Variants in MTMR12 observed in about 807,000 individuals in gnomAD.
The protein encoded by MTMR12 is myotubularin related protein 12, also known as myotubularin-related protein 12.
MTMR12 carries 33 observed loss-of-function variants against 96.7 expected under a neutral mutation model. The observed-to-expected ratio is 0.34, with a 90% CI of 0.26 to 0.46. The LOEUF is 0.46. Among genes scored for constraint, MTMR12 ranks in the 20% least tolerant of loss-of-function variants. MTMR12 has a pLI of 1.00. For missense variants in MTMR12, 721 were observed against 896.1 expected (o/e 0.80, Z 2.49); for synonymous variants, 298 against 327.2 (o/e 0.91, Z 0.96).
chr5:32,289,404 C>A (rs1280215633), intron 1 of MTMR12, among the ~76,000 whole-genome samples: 5 of 151,756 alleles, frequency 3.3e-5, no homozygotes, highest in Admixed American at 6.6e-5. Flanking sequence ...GAGGCCGGGT[C>A]CCCTTGAGGA....
chr5:32,269,937 T>C (rs1278862038), intron 5 of MTMR12, among the ~76,000 whole-genome samples: 3 of 152,246 alleles, frequency 2.0e-5, no homozygotes, highest in African/African-American at 7.2e-5. Flanking sequence ...AAATTTTCTA[T>C]ATCTATACTC....
Position 32,243,620 on chromosome 5 carries a change from A to G in MTMR12, c.1022-21T>C, listed in dbSNP as rs777338087. On this transcript the variant is annotated intron_variant, in intron 10 of 15. Coordinates refer to ENST00000382142, the MANE Select transcript of MTMR12 (RefSeq NM_001040446.3). ...GTTATCTGAAAAAAGAAAAAGGAGT[A>G]AAGACGTCAGGTCATTGTTCACTGA... The G allele has an allele frequency of 1.9e-5, 29 of 1,495,122 alleles. No individual in the cohort carries two copies. The Admixed American group carries it at 4.7e-4, about 24-fold the overall frequency. 92.6% of individuals were successfully genotyped at this position (1,495,122 alleles called of 1,614,324 possible). A position where few individuals can be genotyped will look rare whatever the true frequency, so the allele number is the denominator to read the frequency against.
intron 11 of MTMR12, among the ~76,000 whole-genome samples, chr5:32,242,832 G>C (rs539511136): frequency 3.3e-5 from 5 of 152,078 alleles, no homozygotes; most frequent in African/African-American, 1.2e-4. Flanking sequence ...AGGATGTCTG[G>C]AGCACAGTTC....
chr5:32,235,741 A>G (rs148140475), intron 13 of MTMR12, among the ~76,000 whole-genome samples: 353 of 152,354 alleles, frequency 2.3e-3, no homozygotes, highest in African/African-American at 8.2e-3. Context: ...TTCAAAATGC[A>G]TCTTTACAAA....
chr5:32,275,966 T>C (rs1458779678), intron 2 of MTMR12, among the ~76,000 whole-genome samples: 1 of 152,190 alleles, frequency 6.6e-6, no homozygotes, highest in Non-Finnish European at 1.5e-5. Context: ...CTGTATTGTT[T>C]TGGGGAAATG....
Position 32,312,894 on chromosome 5 carries a change from A to C in MTMR12, c.-56T>G. On this transcript the variant is annotated 5_prime_UTR_variant, in exon 1 of 16. Transcript: ENST00000382142. The surrounding 1 kb of genome is among the most constrained non-coding windows in gnomAD (Gnocchi z 5.0). ...ACGCAGAGGCGGCGGCTCGGGCTCC[A>C]GCTGGGGCAGCAGCGGCGGCCACCA... 6.8e-7 allele frequency: 1 copy of C among 1,462,274 alleles called. No individual in the cohort carries two copies. Among genetic ancestry groups the C allele is most frequent in the Non-Finnish European group, 9.0e-7 (1 of 1,106,186 alleles). 90.6% of individuals were successfully genotyped at this position (1,462,274 alleles called of 1,614,324 possible).
Position 32,270,829 on chromosome 5 carries a change from C to T in MTMR12, c.477G>A (p.Glu159=). ...TGCAACTAGTTACCCTTTTGACTTC[C>T]TCTTCCTTTGTGTACCTCAGACAAA... ...FQFCLRYTKE[E]EVKRIVSGII... is the part of the protein sequence containing the mutation. The change falls in exon 5 of 16, where the codon GAG becomes GAA. Residue 159 remains glutamate (E), a synonymous_variant. Coordinates refer to ENST00000382142, the MANE Select transcript of MTMR12 (RefSeq NM_001040446.3). 2 of 1,610,204 alleles carry T rather than the reference C, an allele frequency of 1.2e-6. No homozygotes were observed. Among genetic ancestry groups the T allele is most frequent in the Non-Finnish European group, 1.7e-6 (2 of 1,178,752 alleles).
At chr5:32,303,750 A>G (rs1477484654) in intron 1 of MTMR12, among the ~76,000 whole-genome samples, 1 of 150,846 alleles carries the variant, frequency 6.6e-6, no homozygotes, top group Non-Finnish European at 1.5e-5. Context: ...TACCGTGGGC[A>G]TCATCCTAAC....
At chr5:32,269,831 A>T (rs949472159) in intron 5 of MTMR12, among the ~76,000 whole-genome samples, 1 of 152,234 alleles carries the variant, frequency 6.6e-6, no homozygotes, top group African/African-American at 2.4e-5. Context: ...GATAAGGGAA[A>T]GAAATCAATC....
chr5:32,259,134 C>A (rs1749260133), intron 7 of MTMR12, among the ~76,000 whole-genome samples: 1 of 152,146 alleles, frequency 6.6e-6, no homozygotes, highest in African/African-American at 2.4e-5. Context: ...TCATTTCAGT[C>A]ATTAAGATGA....
Position 32,229,976 on chromosome 5 carries a change from G to A in MTMR12, c.2046C>T (p.His682=). ...CAGCCTGGGGGGCCTGCTGGCTGTG[G>A]TGTCTCTCGTCGATCTTCTCTTGTA... ...QSLQEKIDER[H]HSQQAPQAEA... is the part of the protein sequence containing the mutation. Residue 682 remains histidine, a synonymous_variant, in exon 16 of 16, where the codon CAC becomes CAT. Coordinates refer to ENST00000382142, the MANE Select transcript of MTMR12 (RefSeq NM_001040446.3). 6.2e-7 allele frequency: 1 copy of A among 1,612,388 alleles called. No homozygotes were observed. The highest frequency in any genetic ancestry group is 8.5e-7 in the Non-Finnish European group (1 of 1,178,740).
chr5:32,229,798 C>A lies in MTMR12; in HGVS notation c.2224G>T (p.Val742Leu), dbSNP rs139269595. 1 of 1,545,204 alleles carries A rather than the reference C, an allele frequency of 6.5e-7. No individual in the cohort carries two copies. Among genetic ancestry groups the A allele is most frequent in the Admixed American group, 2.0e-5 (1 of 49,602 alleles). ...DDLAKREDEFVDLGDV is the reference protein window; with the variant it reads ...DDLAKREDEFLDLGDV ...ACAGGTCACACATCCCCTAGGTCCA[C>A]GAACTCATCTTCTCGTTTGGCCAAA... Residue 742 changes from valine to leucine, a missense_variant, in exon 16 of 16, where the codon GTG (valine) becomes TTG (leucine). Val to Leu is a conservative substitution (Grantham distance 32). Transcript: ENST00000382142.
Position 32,263,259 on chromosome 5 carries a change from T to G in MTMR12, c.584-17A>C. The G allele has an allele frequency of 6.2e-7, 1 of 1,612,998 alleles. No homozygotes were observed. The highest frequency in any genetic ancestry group is 2.2e-5 in the East Asian group (1 of 44,890). ...GATCAGTGACTAAGAGAACAAAATG[T>G]AAAAGACAATAAAATCTTTCCATGA... On this transcript the variant is annotated splice_polypyrimidine_tract_variant and intron_variant, in intron 6 of 15. Transcript: ENST00000382142.
intron 6 of MTMR12, among the ~76,000 whole-genome samples, chr5:32,264,404 G>T (rs1046794938): frequency 6.6e-6 from 1 of 151,816 alleles, no homozygotes; most frequent in South Asian, 2.1e-4. Flanking sequence ...GAATAATGAT[G>T]ATGATAATAG....
At chr5:32,288,518 G>A (rs774209112) in intron 1 of MTMR12, among the ~76,000 whole-genome samples, 3 of 152,198 alleles carry the variant, frequency 2.0e-5, no homozygotes, top group Admixed American at 2.0e-4. Flanking sequence ...ACTGTGGCAC[G>A]TGATGAGGTG....
At chr5:32,270,449 C>T (rs1359021948) in intron 5 of MTMR12, among the ~76,000 whole-genome samples, 1 of 152,144 alleles carries the variant, frequency 6.6e-6, no homozygotes, top group African/African-American at 2.4e-5. Context: ...TGGAATTCTC[C>T]AACACTACTG....
intron 8 of MTMR12, among the ~76,000 whole-genome samples, chr5:32,255,253 T>C (rs920509760): frequency 2.0e-5 from 3 of 152,344 alleles, no homozygotes; most frequent in South Asian, 2.1e-4. Flanking sequence ...ACATTAAATA[T>C]GGCTCCAATC....
chr5:32,304,717 G>T (rs931118456), intron 1 of MTMR12, among the ~76,000 whole-genome samples: 6 of 152,184 alleles, frequency 3.9e-5, no homozygotes, highest in Non-Finnish European at 8.8e-5. Flanking sequence ...CTAGAAGTAG[G>T]GTGCAGAAGT....
intron 11 of MTMR12, among the ~76,000 whole-genome samples, chr5:32,243,165 C>G (rs1265371775): frequency 1.3e-5 from 2 of 152,154 alleles, no homozygotes; most frequent in Admixed American, 6.5e-5. Context: ...GCGTAAGACA[C>G]AAGATTAAAA....
Sources: gnomAD v4.1 joint callset for allele counts (sites outside exome capture counted in the v4.1 genomes callset) on GRCh38, gnomAD v4.1.1 for gene constraint, Gnocchi (gnomAD v3.1) non-coding constraint, MANE v1.5 for transcripts, NCBI Gene and HGNC (gene_info 2026-07-23, HGNC 2026-07-21) for gene names.